Variants in CMTM8 observed in about 807,000 individuals in gnomAD.
CMTM8 encodes CKLF-like MARVEL transmembrane domain-containing protein 8.
A neutral mutation model predicts 18.6 loss-of-function variants in CMTM8; 12 were observed. That is an observed-to-expected ratio of 0.65 (90% CI 0.41 to 1.05). The LOEUF (loss-of-function observed/expected upper bound fraction) is 1.05, where lower values mean the gene tolerates loss of function less well. Among genes scored for constraint, CMTM8 ranks in the 50% least tolerant of loss-of-function variants. The probability of loss-of-function intolerance (pLI) is 0.00; values close to 1 mark genes in which losing one functional copy is unlikely to be tolerated. For missense variants in CMTM8, 217 were observed against 227.2 expected (o/e 0.95, Z 0.29); for synonymous variants, 87 against 90.6 (o/e 0.96, Z 0.23).
At chr3:32,348,783 G>A (rs952257589) in intron 1 of CMTM8, among the ~76,000 whole-genome samples, 3 of 152,068 alleles carry the variant, frequency 2.0e-5, no homozygotes, top group Middle Eastern at 3.4e-3. Context: ...TTACAGACAT[G>A]AGCCACCTCT....
chr3:32,283,396 G>C (rs2125551231), intron 1 of CMTM8, among the ~76,000 whole-genome samples: 1 of 152,306 alleles, frequency 6.6e-6, no homozygotes, highest in Middle Eastern at 3.4e-3. Context: ...CTTCTCTTCA[G>C]ACTGAGCGCT....
At chr3:32,319,503 T>C (rs1055589913) in intron 1 of CMTM8, among the ~76,000 whole-genome samples, 31 of 152,134 alleles carry the variant, frequency 2.0e-4, no homozygotes, top group African/African-American at 7.5e-4. Context: ...GCTAGGTTAT[T>C]TTTTAAAACA....
chr3:32,292,185 A>G (rs1258710742), intron 1 of CMTM8, among the ~76,000 whole-genome samples: 1 of 152,210 alleles, frequency 6.6e-6, no homozygotes, highest in Admixed American at 6.5e-5. Flanking sequence ...TGCGTGTGGT[A>G]GAAATGTCTG....
chr3:32,248,742 G>T (rs889809778), intron 1 of CMTM8, among the ~76,000 whole-genome samples: 2 of 152,040 alleles, frequency 1.3e-5, no homozygotes, highest in Admixed American at 6.5e-5. Context: ...TAGTGCAGTG[G>T]CATCATCATA....
At chr3:32,254,270 A>G (rs1219838799) in intron 1 of CMTM8, among the ~76,000 whole-genome samples, 2 of 152,194 alleles carry the variant, frequency 1.3e-5, no homozygotes, top group Non-Finnish European at 2.9e-5. Context: ...ATTGAGTGGC[A>G]TTTACTACAT....
intron 1 of CMTM8, among the ~76,000 whole-genome samples, chr3:32,292,926 A>G (rs541011712): frequency 1.3e-5 from 2 of 152,144 alleles, no homozygotes; most frequent in Non-Finnish European, 2.9e-5. Flanking sequence ...TGAGCAATCT[A>G]TACACATAGC....
chr3:32,315,104 C>G (rs1176599478), intron 1 of CMTM8, among the ~76,000 whole-genome samples: 4 of 151,162 alleles, frequency 2.6e-5, no homozygotes, highest in Non-Finnish European at 5.9e-5. Flanking sequence ...AAGCCACAGC[C>G]TCTGTTTTCT....
At chr3:32,285,389 C>T (rs767524520) in intron 1 of CMTM8, among the ~76,000 whole-genome samples, 3 of 151,810 alleles carry the variant, frequency 2.0e-5, no homozygotes, top group Non-Finnish European at 2.9e-5. Context: ...TTGGCACACA[C>T]GTGTAATTTA....
chr3:32,328,053 A>T (rs918289812), intron 1 of CMTM8, among the ~76,000 whole-genome samples: 4 of 152,158 alleles, frequency 2.6e-5, no homozygotes, highest in Non-Finnish European at 5.9e-5. Context: ...TCTACAAAAA[A>T]TTTAAAAATT....
At chr3:32,310,096 A>AT (rs1005775401) in intron 1 of CMTM8, among the ~76,000 whole-genome samples, 11 of 152,092 alleles carry the variant, frequency 7.2e-5, no homozygotes, top group African/African-American at 2.4e-4. Flanking sequence ...ATCCATTCTG[A>AT]TTTTTACTGT....
chr3:32,239,208 G>A, intron 1 of CMTM8, 89 bp downstream of exon 1: 1 of 1,429,474 alleles, frequency 7.0e-7, no homozygotes, highest in Admixed American at 2.4e-5. Flanking sequence ...AGCCTGCTCA[G>A]ATCTTCCCGC....
At chr3:32,266,774 A>G (rs1702352780) in intron 1 of CMTM8, among the ~76,000 whole-genome samples, 1 of 152,228 alleles carries the variant, frequency 6.6e-6, no homozygotes, top group Non-Finnish European at 1.5e-5. Flanking sequence ...TACAAAATCA[A>G]TGTGCAAAAA....
At chr3:32,310,924 A>G (rs10510654) in intron 1 of CMTM8, among the ~76,000 whole-genome samples, 1,640 of 152,320 alleles carry the variant, frequency 0.011, 33 homozygotes, top group African/African-American at 0.037. Flanking sequence ...TCAGTAATTA[A>G]TGATGGTTAT....
intron 1 of CMTM8, chr3:32,258,917 C>A: frequency 3.5e-6 from 1 of 287,930 alleles, no homozygotes. Flanking sequence ...CCTCGCTTCC[C>A]CACCCCACTG....
At chr3:32,332,749 C>G (rs888462493) in intron 1 of CMTM8, among the ~76,000 whole-genome samples, 1 of 152,084 alleles carries the variant, frequency 6.6e-6, no homozygotes. Context: ...AGTGAGACAG[C>G]CTTGGTCAGT....
At chr3:32,323,546 G>A (rs1224515926) in intron 1 of CMTM8, among the ~76,000 whole-genome samples, 2 of 152,170 alleles carry the variant, frequency 1.3e-5, no homozygotes, top group Non-Finnish European at 2.9e-5. Flanking sequence ...ACAGTTACCT[G>A]TTGTTCTTGG....
intron 1 of CMTM8, among the ~76,000 whole-genome samples, chr3:32,304,504 G>T (rs1695685541): frequency 6.6e-6 from 1 of 152,212 alleles, no homozygotes; most frequent in Non-Finnish European, 1.5e-5. Flanking sequence ...AGAAATGAAT[G>T]ATGTGAGTGC....
intron 1 of CMTM8, among the ~76,000 whole-genome samples, chr3:32,315,594 T>G (rs1695912259): frequency 1.3e-5 from 2 of 152,208 alleles, no homozygotes; most frequent in South Asian, 4.1e-4. Flanking sequence ...ATTCCATGGC[T>G]GAGCAAGGTT....
chr3:32,245,588 C>T (rs1040695210), intron 1 of CMTM8, among the ~76,000 whole-genome samples: 2 of 152,044 alleles, frequency 1.3e-5, no homozygotes, highest in Non-Finnish European at 2.9e-5. Context: ...TTGATGACTT[C>T]GAAATGAATT....
Sources: allele counts gnomAD v4.1 joint callset (sites outside exome capture counted in the v4.1 genomes callset), GRCh38; gene constraint gnomAD v4.1.1; transcripts MANE v1.5; gene names NCBI Gene and HGNC (gene_info 2026-07-23, HGNC 2026-07-21).